The following ABCA7 variants were observed in gnomAD, a reference collection of about 807,000 sequenced individuals.
ABCA7 encodes the protein ATP binding cassette subfamily A member 7, also known as phospholipid-transporting ATPase ABCA7.
ABCA7 carries 261 observed loss-of-function variants against 227.6 expected under a neutral mutation model. That is an observed-to-expected ratio of 1.15 (90% confidence interval 1.04 to 1.27). The LOEUF (loss-of-function observed/expected upper bound fraction) is 1.27. Ranked by LOEUF, ABCA7 falls within the 50% of genes most tolerant of loss-of-function variation. The probability of loss-of-function intolerance (pLI) is 0.00; values close to 1 mark genes in which losing one functional copy is unlikely to be tolerated. For synonymous variants in ABCA7, 1,488 were observed against 1,279.7 expected (o/e 1.16, Z -3.47); for missense variants, 3,331 against 2,924.5 (o/e 1.14, Z -3.21).
chr19:1,043,936 ACT>A, intron 10 of ABCA7, 95 bp downstream of exon 10: 1 of 841,404 alleles, frequency 1.2e-6, no homozygotes, highest in Non-Finnish European at 1.7e-6. Flanking sequence ...GCAGACCCCC[ACT>A]TTTTTTTTTT....
Position 1,042,799 on chromosome 19 carries a change from G to A in ABCA7, c.552G>A (p.Leu184=). Residue 184 remains leucine (L), a synonymous_variant, in exon 7 of 47, where the codon TTG becomes TTA. Coordinates refer to ENST00000263094, the MANE Select transcript of ABCA7 (RefSeq NM_019112.4). ...CCCAGGAGCCCTTGCACAGCTTGTTGGAGGCCGCTGAGGACCTGGCCCAGG... is the reference window on the plus strand; with the variant it reads ...CCCAGGAGCCCTTGCACAGCTTGTTAGAGGCCGCTGAGGACCTGGCCCAGG... ...GQAQEPLHSL[L]EAAEDLAQEL... The A allele has an allele frequency of 6.2e-7, 1 of 1,611,766 alleles. No individual in the cohort carries two copies. Among genetic ancestry groups the A allele is most frequent in the African/African-American group, 1.3e-5 (1 of 74,860 alleles).
Position 1,052,031 on chromosome 19 carries a change from T to A in ABCA7, c.3052T>A (p.Cys1018Ser). The change falls in exon 22 of 47, where the codon TGC becomes AGC. Residue 1018 changes from cysteine (C) to serine (S), a missense_variant. By Grantham distance (112) the Cys-to-Ser change is moderately radical (BLOSUM62 -1). Coordinates refer to ENST00000263094, the MANE Select transcript of ABCA7 (RefSeq NM_019112.4). ...VAVVAGGRLC[C>S]CGSPLFLRRH... ...CGTGGTGGCAGGTGGCCGCTTGTGCTGCTGTGGCTCCCCACTCTTCCTGCG... is the reference window on the plus strand; with the variant it reads ...CGTGGTGGCAGGTGGCCGCTTGTGCAGCTGTGGCTCCCCACTCTTCCTGCG... 1 of 1,612,314 alleles carries A rather than the reference T, an allele frequency of 6.2e-7. No homozygotes were observed. The highest frequency in any genetic ancestry group is 8.5e-7 in the Non-Finnish European group (1 of 1,179,914).
At chr19:1,063,955 T>A in intron 44 of ABCA7, 92 bp downstream of exon 44, 1 of 1,432,310 alleles carries the variant, frequency 7.0e-7, no homozygotes, top group Non-Finnish European at 9.2e-7. Context: ...GGATGGGGGG[T>A]CCTGGCCCTA....
Position 1,054,425 on chromosome 19 carries a change from C to T in ABCA7, c.3726+84C>T. Reference sequence around the variant, plus strand: ...GTCCACTCAGTGGCCTAATCCAAACCCTTACCCCCGTGTGTATTCCCAACC... The same window carrying T: ...GTCCACTCAGTGGCCTAATCCAAACTCTTACCCCCGTGTGTATTCCCAACC... On this transcript the variant is annotated intron_variant, in intron 27 of 46. Coordinates refer to ENST00000263094, the MANE Select transcript of ABCA7 (RefSeq NM_019112.4). The surrounding 1 kb of genome is among the most constrained non-coding windows in gnomAD (Gnocchi z 4.8). The T allele has an allele frequency of 6.4e-7, 1 of 1,550,998 alleles. No individual in the cohort carries two copies. Among genetic ancestry groups the T allele is most frequent in the Non-Finnish European group, 8.7e-7 (1 of 1,150,730 alleles).
intron 41 of ABCA7, 125 bp from the exon 42 acceptor site, chr19:1,062,047 C>A: frequency 6.7e-7 from 1 of 1,485,694 alleles, no homozygotes; most frequent in Non-Finnish European, 9.1e-7. Flanking sequence ...GCGGACCAGG[C>A]CCTGAGACAC....
chr19:1,065,434 C>A lies in ABCA7; in HGVS notation c.*9C>A. On this transcript the variant is annotated 3_prime_UTR_variant, in exon 47 of 47. Coordinates refer to ENST00000263094, the MANE Select transcript of ABCA7 (RefSeq NM_019112.4). Reference sequence around the variant, plus strand: ...CCGAGACTGTGCTCTGAGCCTCCCTCCCCTGCGGGGCCGCGGGGAGGCCCT... The same window carrying A: ...CCGAGACTGTGCTCTGAGCCTCCCTACCCTGCGGGGCCGCGGGGAGGCCCT... The A allele has an allele frequency of 6.2e-7, 1 of 1,612,736 alleles. No individual in the cohort carries two copies. Among genetic ancestry groups the A allele is most frequent in the African/African-American group, 1.3e-5 (1 of 75,056 alleles).
chr19:1,046,099 G>C (rs770619127), intron 12 of ABCA7, 131 bp from the exon 13 acceptor site: 4 of 1,061,038 alleles, frequency 3.8e-6, no homozygotes, highest in Non-Finnish European at 5.5e-6. Context: ...GCTGCAGTGA[G>C]CTATGATTGC....
At chr19:1,046,689 G>C in intron 13 of ABCA7, 113 bp from the exon 14 acceptor site, 2 of 1,226,218 alleles carry the variant, frequency 1.6e-6, no homozygotes, top group Non-Finnish European at 2.3e-6. Flanking sequence ...GGAACAGGGA[G>C]GCAAATCTTC....
At chr19:1,048,010 G>C (rs966555679) in intron 16 of ABCA7, among the ~76,000 whole-genome samples, 2 of 151,920 alleles carry the variant, frequency 1.3e-5, no homozygotes, top group African/African-American at 4.8e-5. Context: ...GCAATATAGT[G>C]AGACCTCATC....
intron 10 of ABCA7, 147 bp from the exon 11 acceptor site, chr19:1,044,430 T>G (rs907319195): frequency 1.1e-6 from 1 of 878,048 alleles, no homozygotes; most frequent in African/African-American, 1.7e-5. Context: ...GTATTTTTAG[T>G]AGAGATGGGC....
At chr19:1,062,529 C>T (rs1033067456) in intron 42 of ABCA7, among the ~76,000 whole-genome samples, 1 of 152,062 alleles carries the variant, frequency 6.6e-6, no homozygotes, top group Admixed American at 6.5e-5. Context: ...CCAAGTTCCA[C>T]CATTCTCATT....
At chr19:1,045,544 G>A in intron 12 of ABCA7, 1 of 376,074 alleles carries the variant, frequency 2.7e-6, no homozygotes, top group Non-Finnish European at 4.9e-6. Context: ...AATTGCACCG[G>A]GTGCTGAGCG....
rs200462968 is a variant in ABCA7 at position 1,047,147 on chromosome 19, C to A, written c.1846-10C>A. 6.5e-4 allele frequency: 1,037 copies of A among 1,596,382 alleles called. 4 individuals are homozygous for A. The highest frequency in any genetic ancestry group is 8.0e-4 in the Non-Finnish European group (939 of 1,174,062). On this transcript the variant is annotated splice_polypyrimidine_tract_variant and intron_variant, in intron 14 of 46. Transcript: ENST00000263094. Reference sequence around the variant, plus strand: ...GGAGCTGCACCCTAAGCTCCCGTTGCCTCTCACAGCTGGGAGACATCCTCC... The same window carrying A: ...GGAGCTGCACCCTAAGCTCCCGTTGACTCTCACAGCTGGGAGACATCCTCC...
At position 1,041,233 on chromosome 19, in the gene ABCA7, G is replaced by A. The variant is rs2040002903; in HGVS notation, c.-129G>A. Reference sequence around the variant, plus strand: ...TGCCTCGCTCTAATCAGAGCTTCCAGGAACCCTGCGCTGTGGGATAAAGGA... The same window carrying A: ...TGCCTCGCTCTAATCAGAGCTTCCAAGAACCCTGCGCTGTGGGATAAAGGA... On this transcript the variant is annotated 5_prime_UTR_variant, in exon 2 of 47. Transcript: ENST00000263094. The A allele has an allele frequency of 1.0e-6, 1 of 963,282 alleles. No homozygotes were observed. The highest frequency in any genetic ancestry group is 2.4e-5 in the East Asian group (1 of 41,440). The allele number at this position is 963,282 out of a possible 1,614,324, so 59.7% of individuals were successfully genotyped here. A position where few individuals can be genotyped will look rare whatever the true frequency, so the allele number is the denominator to read the frequency against.
chr19:1,061,941 T>C (rs1344031653), intron 41 of ABCA7, 53 bp downstream of exon 41: 7 of 1,506,978 alleles, frequency 4.6e-6, no homozygotes, highest in Non-Finnish European at 6.2e-6. Context: ...CTGACGTCCT[T>C]GTGCTTCCCC....
intron 10 of ABCA7, 130 bp downstream of exon 10, chr19:1,043,971 T>C (rs1232043076): frequency 1.3e-6 from 1 of 750,060 alleles, no homozygotes; most frequent in Admixed American, 2.2e-5. Flanking sequence ...GGAGTCTCGC[T>C]CTGTCGCCCA....
intron 16 of ABCA7, 145 bp downstream of exon 16, chr19:1,047,799 A>T: frequency 2.3e-5 from 15 of 639,230 alleles, no homozygotes; most frequent in East Asian, 9.4e-5. Context: ...ACACGCATGC[A>T]GGTGGCTGCA....
Position 1,053,482 on chromosome 19 carries a change from C to A in ABCA7, c.3374C>A (p.Ala1125Glu). 1 of 1,587,490 alleles carries A rather than the reference C, an allele frequency of 6.3e-7. No homozygotes were observed. The highest frequency in any genetic ancestry group is 2.3e-5 in the East Asian group (1 of 43,474). The change falls in exon 24 of 47, where the codon GCG becomes GAG. Residue 1125 changes from alanine to glutamate, a missense_variant. Ala to Glu is a moderately radical substitution (Grantham distance 107, BLOSUM62 -1). Transcript: ENST00000263094. ...TTCCGAGAGCTAGACACGCGGCTGG[C>A]GGAGCTGAGGCTCACTGGCTACGGG... Reference protein sequence around the residue: ...TLFRELDTRLAELRLTGYGIS... With the variant: ...TLFRELDTRLEELRLTGYGIS...
Position 1,049,308 on chromosome 19 carries a change from C to T in ABCA7, c.2423C>T (p.Ser808Phe). The T allele has an allele frequency of 1.9e-6, 3 of 1,611,418 alleles. No homozygotes were observed. In the Middle Eastern group the frequency reaches 5.0e-4, roughly 266 times the overall value. Residue 808 changes from serine to phenylalanine, a missense_variant, in exon 18 of 47, where the codon TCC (serine) becomes TTC (phenylalanine). By Grantham distance (155) the Ser-to-Phe change is radical. Coordinates refer to ENST00000263094, the MANE Select transcript of ABCA7 (RefSeq NM_019112.4). ...EAPPGLSPGVSVRSLEKRFPG... is the reference protein window; with the variant it reads ...EAPPGLSPGVFVRSLEKRFPG... ...CCGCCCGGCCTGAGTCCTGGCGTCT[C>T]CGTTCGCAGCCTGGAGAAGCGCTTT... is the stretch of plus-strand genomic sequence containing the variant.
Sources: allele counts gnomAD v4.1 joint callset (sites outside exome capture counted in the v4.1 genomes callset), GRCh38; gene constraint gnomAD v4.1.1; non-coding constraint Gnocchi (gnomAD v3.1); transcripts MANE v1.5; gene names NCBI Gene and HGNC (gene_info 2026-07-23, HGNC 2026-07-21).